PCDHGB2: variants seen among roughly 807,000 people sequenced by gnomAD.
The protein encoded by PCDHGB2 is protocadherin gamma-B2.
A neutral mutation model predicts 59.3 loss-of-function variants in PCDHGB2; 55 were observed. The observed-to-expected ratio is 0.93, with a 90% CI of 0.75 to 1.16. The LOEUF (loss-of-function observed/expected upper bound fraction) is 1.16. Among genes scored for constraint, PCDHGB2 ranks in the 50% most tolerant of loss-of-function variants. PCDHGB2 has a pLI of 0.00. For missense variants in PCDHGB2, 1,228 were observed against 1,198.5 expected (o/e 1.02, Z -0.36); for synonymous variants, 516 against 512.0 (o/e 1.01, Z -0.11).
chr5:141,404,214 C>T lies in PCDHGB2; in HGVS notation c.2421+41658C>T, dbSNP rs1169013129. On this transcript the variant is annotated intron_variant, in intron 1 of 3. Coordinates refer to ENST00000522605, the MANE Select transcript of PCDHGB2 (RefSeq NM_018923.3). ...GAAAAAGCCTCAGAATATAATATCA[C>T]GGTGACTGCAACAGACAGAGGAACT... 11 of 1,613,562 alleles carry T rather than the reference C, an allele frequency of 6.8e-6. No individual in the cohort carries two copies. In the Admixed American group the frequency reaches 1.3e-4, roughly 20 times the overall value.
intron 1 of PCDHGB2, chr5:141,394,183 A>G: frequency 1.2e-6 from 2 of 1,613,702 alleles, no homozygotes; most frequent in Non-Finnish European, 1.7e-6. Context: ...CATGCCTCCT[A>G]CTCAGCGTAT....
intron 1 of PCDHGB2, chr5:141,423,962 C>A: frequency 1.7e-6 from 2 of 1,168,402 alleles, no homozygotes; most frequent in South Asian, 4.2e-5. Context: ...TATTATTTTT[C>A]TATTATCAGT....
At chr5:141,419,029 T>C in intron 1 of PCDHGB2, 1 of 1,613,886 alleles carries the variant, frequency 6.2e-7, no homozygotes, top group Non-Finnish European at 8.5e-7. Flanking sequence ...GTAGAGGTGT[T>C]CCATTTAAGA....
Position 141,505,474 on chromosome 5 carries a change from C to T in PCDHGB2, c.2562C>T (p.Ser854=), listed in dbSNP as rs751690779. The stretch of plus-strand genomic sequence containing the variant: ...TGCTGCAAGCCATGATCTTGGCGTC[C>T]GCCAGTGGTAAGTGGTGTCAGTGTG... ...TEMLQAMILA[S]ASEAADGSST... Residue 854 remains serine, a synonymous_variant, in exon 3 of 4, where the codon TCC becomes TCT. Transcript: ENST00000522605. 2.2e-5 allele frequency: 36 copies of T among 1,614,090 alleles called. No individual in the cohort carries two copies. The highest frequency in any genetic ancestry group is 5.3e-5 in the African/African-American group (4 of 74,934).
chr5:141,485,525 C>A lies in PCDHGB2; in HGVS notation c.2422-9282C>A. On this transcript the variant is annotated intron_variant, in intron 1 of 3. Transcript: ENST00000522605. This position sits in a 1 kb window ranked among gnomAD's most constrained non-coding sequence, Gnocchi z 5.7. ...CACCGAAGGTCCTTTGGAAATGTAC[C>A]GAGCAGAGGTAGAGATCGTAGATGT... The A allele has an allele frequency of 5.6e-6, 9 of 1,614,122 alleles. No individual in the cohort carries two copies. Among genetic ancestry groups the A allele is most frequent in the Non-Finnish European group, 7.6e-6 (9 of 1,180,022 alleles).
chr5:141,473,848 A>T (rs1281010822), intron 1 of PCDHGB2, among the ~76,000 whole-genome samples: 1 of 152,198 alleles, frequency 6.6e-6, no homozygotes, highest in Non-Finnish European at 1.5e-5. Flanking sequence ...TTTTAGGAAG[A>T]TGAACCTCGC....
chr5:141,404,718 C>G (rs747745561), intron 1 of PCDHGB2: 1 of 1,614,072 alleles, frequency 6.2e-7, no homozygotes, highest in Admixed American at 1.7e-5. Context: ...TACCTGGTGA[C>G]CAAGGTGGTG....
intron 1 of PCDHGB2, chr5:141,383,948 C>G (rs199642192): frequency 2.1e-4 from 340 of 1,613,480 alleles, no homozygotes; most frequent in Non-Finnish European, 2.5e-4. Context: ...GTGACTATGA[C>G]GTCTTTAAGT....
At chr5:141,373,974 C>G in intron 1 of PCDHGB2, 2 of 1,051,508 alleles carry the variant, frequency 1.9e-6, no homozygotes, top group Non-Finnish European at 2.6e-6. Flanking sequence ...CGCTTCGCAT[C>G]CGGTCTCTGC....
chr5:141,383,736 T>C (rs1388139242), intron 1 of PCDHGB2: 1 of 1,614,002 alleles, frequency 6.2e-7, no homozygotes, highest in Non-Finnish European at 8.5e-7. Context: ...AAGTGACATA[T>C]TCTTTTCGGA....
At chr5:141,435,421 C>T (rs1384040447) in intron 1 of PCDHGB2, among the ~76,000 whole-genome samples, 2 of 152,096 alleles carry the variant, frequency 1.3e-5, no homozygotes, top group Non-Finnish European at 2.9e-5. Context: ...CTATTTTTCA[C>T]TTCTGTTATG....
chr5:141,413,835 CG>C, intron 1 of PCDHGB2: 2 of 1,613,258 alleles, frequency 1.2e-6, no homozygotes, highest in South Asian at 1.1e-5. Context: ...CCGCCTCCGA[CG>C]GGGGTGACCC....
intron 1 of PCDHGB2, chr5:141,415,899 G>A (rs1224954481): frequency 1.2e-6 from 1 of 869,552 alleles, no homozygotes; most frequent in Non-Finnish European, 1.6e-6. Flanking sequence ...TCCTAAGACA[G>A]ACTTCCATAC....
intron 1 of PCDHGB2, chr5:141,430,741 A>T (rs370226249): frequency 6.7e-6 from 10 of 1,498,900 alleles, no homozygotes; most frequent in Non-Finnish European, 8.9e-6. Flanking sequence ...ATTGAAAATA[A>T]TTCTGGAGGA....
Position 141,489,434 on chromosome 5 carries a change from A to G in PCDHGB2, c.2422-5373A>G. On this transcript the variant is annotated intron_variant, in intron 1 of 3. Transcript: ENST00000522605. This position sits in a 1 kb window ranked among gnomAD's most constrained non-coding sequence, Gnocchi z 4.5. ...ACAGATCTGTTGAGCCGGCGGCTGC[A>G]ATTGGGCTCTGAGGAGAATGGGCGC... 6.2e-7 allele frequency: 1 copy of G among 1,614,138 alleles called. No individual in the cohort carries two copies. The highest frequency in any genetic ancestry group is 8.5e-7 in the Non-Finnish European group (1 of 1,180,044).
intron 1 of PCDHGB2, chr5:141,379,293 A>G (rs1451053160): frequency 6.6e-6 from 1 of 152,248 alleles, no homozygotes; most frequent in Non-Finnish European, 1.5e-5. Context: ...CAAGTTTCCA[A>G]AGGTATATAC....
At chr5:141,366,203 G>C in intron 1 of PCDHGB2, 3 of 1,613,862 alleles carry the variant, frequency 1.9e-6, no homozygotes, top group Non-Finnish European at 2.5e-6. Flanking sequence ...GCACACGGGC[G>C]AGGTGCGCAC....
intron 1 of PCDHGB2, among the ~76,000 whole-genome samples, chr5:141,455,138 T>C (rs1393664563): frequency 6.6e-6 from 1 of 151,028 alleles, no homozygotes; most frequent in Non-Finnish European, 1.5e-5. Context: ...TTACACTGTG[T>C]TAAATAAATA....
chr5:141,448,103 A>G (rs1252710550), intron 1 of PCDHGB2, among the ~76,000 whole-genome samples: 2 of 151,992 alleles, frequency 1.3e-5, no homozygotes, highest in Non-Finnish European at 2.9e-5. Context: ...AAAAAATTAA[A>G]AGAAAAGAAA....
Sources: allele counts gnomAD v4.1 joint callset (sites outside exome capture counted in the v4.1 genomes callset), GRCh38; gene constraint gnomAD v4.1.1; non-coding constraint Gnocchi (gnomAD v3.1); transcripts MANE v1.5; gene names NCBI Gene and HGNC (gene_info 2026-07-23, HGNC 2026-07-21).